Variants in NCAM1 observed in about 807,000 individuals in gnomAD.
NCAM1 encodes antigen recognized by monoclonal antibody 5.1H11.
In NCAM1, 14 loss-of-function variants were observed where a neutral mutation model predicts 109.8. That is an observed-to-expected ratio of 0.13 (90% confidence interval 0.08 to 0.20). The LOEUF (loss-of-function observed/expected upper bound fraction) is 0.20, where lower values mean the gene tolerates loss of function less well. Among genes scored for constraint, NCAM1 ranks in the 10% least tolerant of loss-of-function variants. NCAM1 has a pLI of 1.00. For synonymous variants in NCAM1, 418 were observed against 442.9 expected, an observed-to-expected ratio of 0.94 and a Z score of 0.70; for missense variants, 774 against 1,109.9, an observed-to-expected ratio of 0.70 and a Z score of 4.30.
chr11:113,238,855 G>A (rs1555118747), intron 14 of NCAM1, among the ~76,000 whole-genome samples: 1 of 152,244 alleles, frequency 6.6e-6, no homozygotes, highest in Non-Finnish European at 1.5e-5. Flanking sequence ...AGGAAGAGAA[G>A]GCACAGAGTC....
chr11:113,061,739 CT>C (rs1266613382), intron 1 of NCAM1, among the ~76,000 whole-genome samples: 2 of 152,192 alleles, frequency 1.3e-5, no homozygotes, highest in Non-Finnish European at 2.9e-5. Flanking sequence ...AATCGTGCAG[CT>C]TGTCCTGAGC....
intron 17 of NCAM1, among the ~76,000 whole-genome samples, chr11:113,267,484 C>A (rs1043683826): frequency 6.6e-6 from 1 of 151,460 alleles, no homozygotes; most frequent in Non-Finnish European, 1.5e-5. Flanking sequence ...GGGACTGAGG[C>A]CTGCAGGACA....
At chr11:113,098,715 C>T (rs1939723157) in intron 1 of NCAM1, among the ~76,000 whole-genome samples, 1 of 152,170 alleles carries the variant, frequency 6.6e-6, no homozygotes, top group African/African-American at 2.4e-5. Context: ...GAAGAATGAC[C>T]ATCATGTGAA....
At chr11:112,996,690 A>G (rs974117956) in intron 1 of NCAM1, among the ~76,000 whole-genome samples, 2 of 152,166 alleles carry the variant, frequency 1.3e-5, no homozygotes, top group Non-Finnish European at 1.5e-5. Context: ...GCATTTCATC[A>G]TTAAGGAGGC....
At chr11:113,170,068 T>A (rs180831136) in intron 1 of NCAM1, among the ~76,000 whole-genome samples, 1 of 152,322 alleles carries the variant, frequency 6.6e-6, no homozygotes, top group Non-Finnish European at 1.5e-5. Context: ...GCAAATTATA[T>A]TTATATTTCT....
intron 1 of NCAM1, among the ~76,000 whole-genome samples, chr11:113,081,194 C>T (rs1331631734): frequency 6.6e-6 from 1 of 152,172 alleles, no homozygotes; most frequent in African/African-American, 2.4e-5. Context: ...TGGATGACTG[C>T]CTACCCGCTG....
At chr11:113,048,096 A>T (rs1413605674) in intron 1 of NCAM1, among the ~76,000 whole-genome samples, 2 of 152,168 alleles carry the variant, frequency 1.3e-5, no homozygotes, top group African/African-American at 4.8e-5. Context: ...CAGAACAGTG[A>T]TGGTGACTGC....
intron 1 of NCAM1, among the ~76,000 whole-genome samples, chr11:113,064,473 A>G (rs1304788537): frequency 6.6e-6 from 1 of 152,240 alleles, no homozygotes. Flanking sequence ...AAATTATACC[A>G]ATATACCTTT....
At chr11:113,041,295 A>G (rs1001851289) in intron 1 of NCAM1, 5 of 152,142 alleles carry the variant, frequency 3.3e-5, no homozygotes, top group Non-Finnish European at 5.9e-5. Flanking sequence ...ATGTTTAAAC[A>G]TTTTTTTGAG....
chr11:113,174,705 G>A (rs1943095369), intron 1 of NCAM1, among the ~76,000 whole-genome samples: 1 of 152,112 alleles, frequency 6.6e-6, no homozygotes, highest in African/African-American at 2.4e-5. Context: ...TTTTCCACTT[G>A]CAAGTGGCAT....
rs374132928 is a variant in NCAM1, at chr11:113,200,570, C to T, written c.53-1809C>T. 3.9e-5 allele frequency among the ~76,000 whole-genome samples: 6 copies of T among 152,262 alleles called. No homozygotes were observed. In the South Asian group the frequency reaches 8.3e-4, roughly 21 times the overall value. ...GAGCCAGGAGGCCTGGGCTCTGGGG[C>T]CACGCTAGCCCTAACTAGAAGTGAC... On this transcript the variant is annotated intron_variant, in intron 1 of 19. Transcript: ENST00000316851.
At position 113,239,499 on chromosome 11, in the gene NCAM1, C is replaced by CTTTTTTT. The variant is rs55641415; in HGVS notation, c.1825+4353_1825+4359dup. Among the ~76,000 whole-genome samples the CTTTTTTT allele has an allele frequency of 4.3e-3, 472 of 110,124 alleles. 40 individuals carry two copies. Among genetic ancestry groups the CTTTTTTT allele is most frequent in the East Asian group, 0.021 (63 of 3,068 alleles). 72.2% of individuals were successfully genotyped at this position (110,124 alleles called of 152,430 possible). A position where few individuals can be genotyped will look rare whatever the true frequency, so the allele number is the denominator to read the frequency against. ...TATAGAGATTATGAATGAGTCTCTA[C>CTTTTTTT]TTTTTTTTTTTTTTTTTTTTTTTTG... On this transcript the variant is annotated intron_variant, in intron 14 of 19. Transcript: ENST00000316851.
At chr11:113,230,197 T>C (rs2137212970) in intron 9 of NCAM1, among the ~76,000 whole-genome samples, 1 of 152,288 alleles carries the variant, frequency 6.6e-6, no homozygotes, top group Middle Eastern at 3.4e-3. Flanking sequence ...TAGTGAAGTG[T>C]TCCACACCTG....
chr11:113,123,844 G>A (rs1555096555), intron 1 of NCAM1, among the ~76,000 whole-genome samples: 4 of 152,166 alleles, frequency 2.6e-5, no homozygotes. Context: ...TAGGACCCTG[G>A]CAAAGGGATG....
chr11:113,110,645 C>T (rs1940404487), intron 1 of NCAM1, among the ~76,000 whole-genome samples: 1 of 152,066 alleles, frequency 6.6e-6, no homozygotes, highest in African/African-American at 2.4e-5. Flanking sequence ...TATTAATATT[C>T]CCAAGGTAAT....
intron 1 of NCAM1, among the ~76,000 whole-genome samples, chr11:113,028,014 A>G (rs1952603241): frequency 6.6e-6 from 1 of 152,210 alleles, no homozygotes; most frequent in African/African-American, 2.4e-5. Flanking sequence ...AGAAGCAGAG[A>G]ATAGAATAGC....
chr11:113,113,315 G>A (rs1245087), intron 1 of NCAM1, among the ~76,000 whole-genome samples: 126,327 of 152,126 alleles, frequency 0.83, 52,833 homozygotes, highest in African/African-American at 0.93. Flanking sequence ...CAAATTAGAT[G>A]ATCAGTAAGT....
intron 1 of NCAM1, among the ~76,000 whole-genome samples, chr11:113,011,971 C>G (rs1952071194): frequency 9.7e-6 from 1 of 103,018 alleles, no homozygotes; most frequent in African/African-American, 3.1e-5. Context: ...TCCTTTCCTT[C>G]CTTCCTTCCT....
intron 1 of NCAM1, among the ~76,000 whole-genome samples, chr11:113,034,930 T>C (rs1248249056): frequency 6.6e-6 from 1 of 152,200 alleles, no homozygotes; most frequent in Non-Finnish European, 1.5e-5. Context: ...TATCATAAAG[T>C]AGTCTGGAAT....
Sources: allele counts gnomAD v4.1 joint callset (sites outside exome capture counted in the v4.1 genomes callset), GRCh38; gene constraint gnomAD v4.1.1; transcripts MANE v1.5; gene names NCBI Gene and HGNC (gene_info 2026-07-23, HGNC 2026-07-21).